NOL4L: variants seen among roughly 807,000 people sequenced by gnomAD.
NOL4L encodes nucleolar protein 4 like, also known as nucleolar protein 4-like.
Under a neutral mutation model 64.5 loss-of-function variants are expected in NOL4L, and 7 were observed. That is an observed-to-expected ratio of 0.11 (90% confidence interval 0.06 to 0.20). The LOEUF is 0.20. NOL4L is among the 10% of genes least tolerant of loss of function. NOL4L has a pLI of 1.00. For missense variants in NOL4L, 680 were observed against 967.1 expected (o/e 0.70, Z 3.94); for synonymous variants, 413 against 401.0 (o/e 1.03, Z -0.36).
chr20:32,524,098 G>A lies in NOL4L; in HGVS notation c.478-3176C>T, dbSNP rs79827023. Among the ~76,000 whole-genome samples, 778 of 152,286 alleles carry A rather than the reference G, an allele frequency of 5.1e-3. 18 individuals carry two copies. The East Asian group carries it at 0.067, about 13-fold the overall frequency. On this transcript the variant is annotated intron_variant, in intron 2 of 10. Coordinates refer to ENST00000621426, the MANE Select transcript of NOL4L (RefSeq NM_001256798.2). ...GATCTGACCTACCAGCACCCTGGGAGGGAAAAAGGAAGCAAAAGGGCTTGT... is the reference window on the plus strand; with the variant it reads ...GATCTGACCTACCAGCACCCTGGGAAGGAAAAAGGAAGCAAAAGGGCTTGT...
chr20:32,561,039 C>T (rs1322367176), intron 1 of NOL4L: 2 of 152,320 alleles, frequency 1.3e-5, no homozygotes, highest in Non-Finnish European at 2.9e-5. Context: ...CGGATGTGCC[C>T]GCCACCGCGG....
intron 1 of NOL4L, chr20:32,565,057 G>GC (rs1369129468): frequency 1.3e-5 from 2 of 152,512 alleles, no homozygotes. Context: ...GCCCCACCAG[G>GC]CGTGCCCCTC....
At chr20:32,449,798 G>C (rs2012690596) in intron 10 of NOL4L, 1 of 152,356 alleles carries the variant, frequency 6.6e-6, no homozygotes, top group African/African-American at 2.4e-5. Context: ...GGGGAAGAGG[G>C]TCTGGTTCTC....
chr20:32,462,632 C>T (rs926376981), intron 5 of NOL4L, among the ~76,000 whole-genome samples: 4 of 152,056 alleles, frequency 2.6e-5, no homozygotes, highest in African/African-American at 9.7e-5. Context: ...TTAGGCCAGG[C>T]GCAGTGGCTC....
intron 5 of NOL4L, among the ~76,000 whole-genome samples, chr20:32,457,195 G>A (rs1010794893): frequency 6.6e-6 from 1 of 152,222 alleles, no homozygotes; most frequent in African/African-American, 2.4e-5. Flanking sequence ...TTTAACCAGG[G>A]GACCAGACAG....
At chr20:32,447,956 C>CAGGGAGA in intron 10 of NOL4L, 140 bp from the exon 11 acceptor site, 6 of 1,139,090 alleles carry the variant, frequency 5.3e-6, no homozygotes, top group Non-Finnish European at 6.0e-6. Context: ...TCTGGTCCAT[C>CAGGGAGA]TCCCTGATGG....
Position 32,556,937 on chromosome 20 carries a change from T to C in NOL4L, c.321+27633A>G, listed in dbSNP as rs1320322444. Among the ~76,000 whole-genome samples, 3 of 152,312 alleles carry C rather than the reference T, an allele frequency of 2.0e-5. No individual in the cohort carries two copies. In the East Asian group the frequency reaches 5.8e-4, roughly 29 times the overall value. On this transcript the variant is annotated intron_variant, in intron 1 of 10. Transcript: ENST00000621426. The stretch of plus-strand genomic sequence containing the variant: ...CAGGAGGCAGCTTGTGTGATATTGA[T>C]CGAGCTCCTGATGCAAAGCAGGGTG...
intron 1 of NOL4L, among the ~76,000 whole-genome samples, chr20:32,583,614 G>A (rs970265802): frequency 6.7e-6 from 1 of 150,178 alleles, no homozygotes; most frequent in Non-Finnish European, 1.5e-5. Context: ...GCGACGGAAA[G>A]TTCAAAGCTC....
rs1408986598 is a variant in NOL4L at position 32,584,543 on chromosome 20, G to T, written c.321+27C>A. 5 of 626,030 alleles carry T rather than the reference G, an allele frequency of 8.0e-6. No homozygotes were observed. In the African/African-American group the frequency reaches 1.1e-4, roughly 14 times the overall value. The allele number at this position is 626,030 out of a possible 1,614,324, so 38.8% of individuals were successfully genotyped here. On this transcript the variant is annotated intron_variant, in intron 1 of 10. Coordinates refer to ENST00000621426, the MANE Select transcript of NOL4L (RefSeq NM_001256798.2). ...TGCCCCAAGCCCCGCGGCGGGACCC[G>T]CCCGCGGCCGCCGCGCGCGCACTCA...
At chr20:32,547,366 C>T (rs1454405833) in intron 1 of NOL4L, among the ~76,000 whole-genome samples, 4 of 152,206 alleles carry the variant, frequency 2.6e-5, no homozygotes, top group African/African-American at 9.7e-5. Context: ...TCATGACTCA[C>T]TGCAGCCTCA....
intron 1 of NOL4L, among the ~76,000 whole-genome samples, chr20:32,536,902 TC>T (rs2018550739): frequency 7.2e-6 from 1 of 139,732 alleles, no homozygotes; most frequent in Non-Finnish European, 1.5e-5. Flanking sequence ...GCGGCTGGCC[TC>T]CCCCTGTCTC....
intron 1 of NOL4L, among the ~76,000 whole-genome samples, chr20:32,574,767 C>T (rs1018741813): frequency 1.7e-4 from 25 of 149,806 alleles, no homozygotes; most frequent in African/African-American, 5.8e-4. Context: ...ATGACTCCCG[C>T]GCTGGCCCCG....
At chr20:32,544,940 G>A (rs1380352270) in intron 1 of NOL4L, among the ~76,000 whole-genome samples, 1 of 152,152 alleles carries the variant, frequency 6.6e-6, no homozygotes, top group Non-Finnish European at 1.5e-5. Flanking sequence ...CTGAGGCTAA[G>A]TCACCTGCCT....
intron 1 of NOL4L, among the ~76,000 whole-genome samples, chr20:32,580,035 A>C (rs1036695679): frequency 1.3e-5 from 2 of 152,202 alleles, no homozygotes; most frequent in African/African-American, 4.8e-5. Context: ...ACTAATTCAG[A>C]CTAAAGTGTA....
rs138912140 is a variant in NOL4L at position 32,456,169 on chromosome 20, A to C, written c.1068T>G (p.Gly356=). 1.1e-4 allele frequency: 174 copies of C among 1,589,028 alleles called. No individual in the cohort carries two copies. Among genetic ancestry groups the C allele is most frequent in the Middle Eastern group, 3.3e-4 (2 of 6,008 alleles). ...GTASYPSDGC[G]ADGLRSRVKY... is the part of the protein sequence containing the mutation. ...TGACGCGGCTCCGCAGCCCGTCGGC[A>C]CCGCAGCCATCCGAGGGGTAGGAGG... is the stretch of plus-strand genomic sequence containing the variant. The change falls in exon 6 of 11, where the codon GGT becomes GGG. Residue 356 remains glycine (G), a synonymous_variant. Coordinates refer to ENST00000621426, the MANE Select transcript of NOL4L (RefSeq NM_001256798.2).
intron 1 of NOL4L, among the ~76,000 whole-genome samples, chr20:32,528,593 C>A (rs545790573): frequency 6.6e-6 from 1 of 152,212 alleles, no homozygotes; most frequent in Non-Finnish European, 1.5e-5. Context: ...TCAGCTGGCC[C>A]GACTAGGTGT....
chr20:32,547,482 G>T (rs1392863547), intron 1 of NOL4L, among the ~76,000 whole-genome samples: 2 of 151,984 alleles, frequency 1.3e-5, no homozygotes, highest in Non-Finnish European at 2.9e-5. Context: ...GTACAGACAG[G>T]TTTTCACCAT....
intron 1 of NOL4L, among the ~76,000 whole-genome samples, chr20:32,542,385 G>A (rs1034711491): frequency 2.6e-5 from 4 of 152,106 alleles, no homozygotes; most frequent in Non-Finnish European, 2.9e-5. Flanking sequence ...ACAGGGTCTC[G>A]CTGTGTCACC....
At chr20:32,572,706 C>T (rs1408930223) in intron 1 of NOL4L, among the ~76,000 whole-genome samples, 3 of 152,182 alleles carry the variant, frequency 2.0e-5, no homozygotes, top group Non-Finnish European at 4.4e-5. Flanking sequence ...TGGCTTCCAT[C>T]AAGGCCCCCT....
Sources: gnomAD v4.1 joint callset for allele counts (sites outside exome capture counted in the v4.1 genomes callset) on GRCh38, gnomAD v4.1.1 for gene constraint, MANE v1.5 for transcripts, NCBI Gene and HGNC (gene_info 2026-07-23, HGNC 2026-07-21) for gene names.